SOX6: variants seen among roughly 807,000 people sequenced by gnomAD.
The protein encoded by SOX6 is SRY-box transcription factor 6.
A neutral mutation model predicts 97.8 loss-of-function variants in SOX6; 11 were observed. The ratio of observed to expected loss-of-function variants is 0.11; its 90% confidence interval spans 0.07 to 0.19. The LOEUF (loss-of-function observed/expected upper bound fraction) is 0.19. Among genes scored for constraint, SOX6 ranks in the 10% least tolerant of loss-of-function variants. The pLI is 1.00. For synonymous variants in SOX6, 360 were observed against 371.4 expected, an observed-to-expected ratio of 0.97 and a Z score of 0.35; for missense variants, 810 against 1,039.5, an observed-to-expected ratio of 0.78 and a Z score of 3.04.
chr11:16,575,696 T>C (rs549923537), intron 4 of SOX6, among the ~76,000 whole-genome samples: 4 of 152,268 alleles, frequency 2.6e-5, no homozygotes, highest in Admixed American at 6.5e-5. Context: ...GATGCATTCA[T>C]AGGCAGTAAA....
At chr11:16,280,402 A>G (rs1854521090) in intron 3 of SOX6, among the ~76,000 whole-genome samples, 1 of 151,150 alleles carries the variant, frequency 6.6e-6, no homozygotes, top group South Asian at 2.1e-4. Flanking sequence ...TAGAAACCGT[A>G]TGCATGACTT....
chr11:16,314,234 G>T (rs1472586150), intron 3 of SOX6: 1 of 151,840 alleles, frequency 6.6e-6, no homozygotes, highest in Non-Finnish European at 1.5e-5. Flanking sequence ...TTTTAATTTA[G>T]AACCTGAACT....
chr11:16,295,954 T>A lies in SOX6; in HGVS notation c.445+22492A>T, dbSNP rs1021931151. ...ACTACCAACAGGCTATCCTATTTAG[T>A]GAGGCATCACTGGTGCTGCACAGTA... On this transcript the variant is annotated intron_variant, in intron 3 of 15. Transcript: ENST00000683767. Among the ~76,000 whole-genome samples the A allele has an allele frequency of 1.4e-4, 21 of 152,104 alleles. 1 individual carries two copies. Among genetic ancestry groups the A allele is most frequent in the Admixed American group, 6.6e-4 (10 of 15,252 alleles).
chr11:16,056,001 T>C (rs1361740691), intron 9 of SOX6, 100 bp from the exon 10 acceptor site: 3 of 1,316,472 alleles, frequency 2.3e-6, no homozygotes, highest in Non-Finnish European at 3.2e-6. Context: ...TCAGACAGCC[T>C]TGTAATTTCT....
intron 3 of SOX6, among the ~76,000 whole-genome samples, chr11:16,639,816 C>T (rs1240361086): frequency 1.9e-4 from 29 of 152,192 alleles, no homozygotes; most frequent in South Asian, 4.2e-4. Context: ...TGGGCTGAGA[C>T]GATAGGGTTT....
intron 3 of SOX6, among the ~76,000 whole-genome samples, chr11:16,691,905 G>C (rs917749938): frequency 6.6e-6 from 1 of 152,158 alleles, no homozygotes; most frequent in Non-Finnish European, 1.5e-5. Context: ...TAAACCAGAT[G>C]CATCTACTCC....
chr11:16,369,035 A>C (rs1210939563), intron 1 of SOX6, among the ~76,000 whole-genome samples: 3 of 152,270 alleles, frequency 2.0e-5, no homozygotes, highest in East Asian at 1.9e-4. Context: ...ATTCAAGACT[A>C]GCCTGGGCAA....
chr11:16,311,285 T>A (rs1855594183), intron 3 of SOX6: 1 of 152,114 alleles, frequency 6.6e-6, no homozygotes, highest in African/African-American at 2.4e-5. Context: ...ACAGCAATAG[T>A]AGTTATAATA....
In SOX6 at chr11:16,524,669, T is replaced by C. The variant is rs541238803; in HGVS notation, n.610-48281A>G. On this transcript the variant is annotated intron_variant and non_coding_transcript_variant, in intron 4 of 5. Coordinates refer to the SOX6 transcript ENST00000524520. ...GGAGAAGGAAATAAAGGGTATTCAA[T>C]TAGGAAAAGAGGAAGTCAAATTGTC... 2.0e-5 allele frequency among the ~76,000 whole-genome samples: 3 copies of C among 152,004 alleles called. No homozygotes were observed. The South Asian group carries it at 6.3e-4, about 32-fold the overall frequency.
intron 1 of SOX6, among the ~76,000 whole-genome samples, chr11:16,413,453 A>G (rs773376746): frequency 2.6e-5 from 4 of 151,482 alleles, no homozygotes; most frequent in Non-Finnish European, 4.4e-5. Context: ...TGAATGAGGG[A>G]ATGAGGATCC....
intron 1 of SOX6, among the ~76,000 whole-genome samples, chr11:16,458,209 A>G (rs1443070658): frequency 2.0e-5 from 3 of 151,942 alleles, no homozygotes; most frequent in Non-Finnish European, 4.4e-5. Context: ...GGCATAAGAC[A>G]CTCAGTTTTT....
chr11:16,061,248 TA>T (rs1847943634), intron 9 of SOX6, among the ~76,000 whole-genome samples: 1 of 129,958 alleles, frequency 7.7e-6, no homozygotes, highest in South Asian at 2.3e-4. Flanking sequence ...TCTAGACACC[TA>T]AAAAAATCTA....
At chr11:16,452,470 A>G (rs1000565) in intron 1 of SOX6, among the ~76,000 whole-genome samples, 47,449 of 152,202 alleles carry the variant, frequency 0.31, 8,354 homozygotes, top group Non-Finnish European at 0.4. Flanking sequence ...CAAAGACTAT[A>G]CAAGAATGAG....
intron 3 of SOX6, among the ~76,000 whole-genome samples, chr11:16,678,968 C>G (rs1847905380): frequency 6.6e-6 from 1 of 152,244 alleles, no homozygotes; most frequent in Non-Finnish European, 1.5e-5. Flanking sequence ...GAAGCTCGAA[C>G]TGGGTGGAGG....
chr11:16,625,772 C>T (rs1848615373), intron 3 of SOX6, among the ~76,000 whole-genome samples: 1 of 152,158 alleles, frequency 6.6e-6, no homozygotes, highest in Non-Finnish European at 1.5e-5. Context: ...CATGAAGGTG[C>T]TCAGAGGGTG....
chr11:16,579,307 A>G (rs955978741), intron 4 of SOX6, among the ~76,000 whole-genome samples: 1 of 151,898 alleles, frequency 6.6e-6, no homozygotes, highest in Non-Finnish European at 1.5e-5. Flanking sequence ...AAACAGTGAA[A>G]TGCACTAATC....
chr11:16,036,645 G>T (rs949940132), intron 12 of SOX6, among the ~76,000 whole-genome samples: 1 of 152,124 alleles, frequency 6.6e-6, no homozygotes, highest in East Asian at 1.9e-4. Flanking sequence ...AGATCTCTGA[G>T]GAAAATCTTC....
intron 3 of SOX6, among the ~76,000 whole-genome samples, chr11:16,701,408 G>A (rs1362912305): frequency 6.6e-6 from 1 of 152,088 alleles, no homozygotes; most frequent in Non-Finnish European, 1.5e-5. Context: ...TACTTAATAA[G>A]CAGTAACTAT....
At chr11:16,196,365 C>A (rs1179008084) in intron 4 of SOX6, among the ~76,000 whole-genome samples, 1 of 152,174 alleles carries the variant, frequency 6.6e-6, no homozygotes, top group Non-Finnish European at 1.5e-5. Context: ...GAATGGAACT[C>A]CTGAATGTCC....
Sources: allele counts gnomAD v4.1 joint callset (sites outside exome capture counted in the v4.1 genomes callset), GRCh38; gene constraint gnomAD v4.1.1; transcripts MANE v1.5; gene names NCBI Gene and HGNC (gene_info 2026-07-23, HGNC 2026-07-21).